The following PDE4B variants were observed in gnomAD, a reference collection of about 807,000 sequenced individuals.
PDE4B encodes phosphodiesterase 4B.
PDE4B carries 20 observed loss-of-function variants against 82.2 expected under a neutral mutation model. The observed-to-expected ratio is 0.24, with a 90% CI of 0.17 to 0.35. The LOEUF (loss-of-function observed/expected upper bound fraction) is 0.35. Among genes scored for constraint, PDE4B ranks in the 10% least tolerant of loss-of-function variants. The pLI, the probability that PDE4B is intolerant of heterozygous loss-of-function variation, is 1.00. For missense variants in PDE4B, 655 were observed against 907.2 expected, an observed-to-expected ratio of 0.72 and a Z score of 3.57; for synonymous variants, 320 against 318.9, an observed-to-expected ratio of 1.00 and a Z score of -0.04.
chr1:66,123,182 T>G (rs1645748563), intron 3 of PDE4B, among the ~76,000 whole-genome samples: 1 of 152,210 alleles, frequency 6.6e-6, no homozygotes, highest in Non-Finnish European at 1.5e-5. Flanking sequence ...TTGATTCCTT[T>G]TTTTGAAGAC....
Position 65,838,455 on chromosome 1 carries a change from C to A in PDE4B, c.-71+45207C>A, listed in dbSNP as rs977399677. On this transcript the variant is annotated intron_variant, in intron 1 of 16. Coordinates refer to ENST00000341517, the MANE Select transcript of PDE4B (RefSeq NM_002600.4). ...TTGATCTAATTAATCTTTTCTTCTT[C>A]CTTCCTTTAGATTGTCACTATATAT... 1.2e-3 allele frequency among the ~76,000 whole-genome samples: 172 copies of A among 143,964 alleles called. 1 individual carries two copies. Among genetic ancestry groups the A allele is most frequent in the African/African-American group, 4.2e-3 (169 of 40,262 alleles). 94.4% of individuals were successfully genotyped at this position (143,964 alleles called of 152,430 possible). A position where few individuals can be genotyped will look rare whatever the true frequency, so the allele number is the denominator to read the frequency against.
intron 3 of PDE4B, among the ~76,000 whole-genome samples, chr1:66,025,389 A>G (rs1353301116): frequency 6.6e-6 from 1 of 152,164 alleles, no homozygotes; most frequent in African/African-American, 2.4e-5. Flanking sequence ...AGTAAGCTAA[A>G]TTCCTTATCT....
intron 1 of PDE4B, among the ~76,000 whole-genome samples, chr1:65,802,888 A>T (rs189332159): frequency 1.3e-3 from 203 of 152,286 alleles, no homozygotes; most frequent in Non-Finnish European, 2.5e-3. Flanking sequence ...TACATTAATG[A>T]TGACATATAT....
At chr1:66,221,397 G>A (rs1054415769) in intron 3 of PDE4B, among the ~76,000 whole-genome samples, 4 of 152,196 alleles carry the variant, frequency 2.6e-5, no homozygotes, top group Admixed American at 1.3e-4. Flanking sequence ...TTGCTCAAGG[G>A]CATAGAGAGA....
rs767011129 is a variant in PDE4B at position 66,332,574 on chromosome 1, A to T, written c.701A>T (p.Glu234Val). The T allele has an allele frequency of 1.9e-6, 3 of 1,614,118 alleles. No homozygotes were observed. Among genetic ancestry groups the T allele is most frequent in the Non-Finnish European group, 1.7e-6 (2 of 1,179,954 alleles). ...TTAGACTGGTGTTTAGACCAGCTAG[A>T]GACCATACAGACCTACCGGTCTGTC... is the stretch of plus-strand genomic sequence containing the variant. ...EELDWCLDQL[E>V]TIQTYRSVSE... is the part of the protein sequence containing the mutation. The change falls in exon 8 of 17, where the codon GAG (glutamate) becomes GTG (valine). Residue 234 changes from glutamate (E) to valine (V), a missense_variant. Physicochemically the swap from Glu to Val is moderately radical, Grantham distance 121. This residue lies in a region of PDE4B where 283 missense variants were observed against 516.4 expected (regional missense o/e 0.55). Transcript: ENST00000341517.
chr1:66,236,799 C>T (rs1238733412), intron 3 of PDE4B, among the ~76,000 whole-genome samples: 8 of 152,146 alleles, frequency 5.3e-5, no homozygotes, highest in Admixed American at 5.2e-4. Context: ...AGAAGAAAGA[C>T]AGAACAGTTG....
intron 3 of PDE4B, among the ~76,000 whole-genome samples, chr1:66,122,954 C>T (rs1051850258): frequency 1.3e-5 from 2 of 152,002 alleles, no homozygotes; most frequent in Non-Finnish European, 2.9e-5. Context: ...GATCTGTCTG[C>T]CTCAGCCTCC....
chr1:66,300,017 A>T (rs1381445915), intron 7 of PDE4B, among the ~76,000 whole-genome samples: 4 of 152,188 alleles, frequency 2.6e-5, no homozygotes, highest in African/African-American at 9.7e-5. Context: ...CAAAATGCAT[A>T]TTGGAAAAAT....
chr1:65,992,459 A>G (rs111348626), intron 3 of PDE4B: 1 of 154,482 alleles, frequency 6.5e-6, no homozygotes, highest in East Asian at 1.9e-4. Context: ...TCTTTGTGCA[A>G]ACAAAACAAG....
intron 3 of PDE4B, among the ~76,000 whole-genome samples, chr1:66,011,148 G>A (rs1031655852): frequency 6.8e-6 from 1 of 147,154 alleles, no homozygotes; most frequent in Non-Finnish European, 1.5e-5. Flanking sequence ...ATACCAAAAT[G>A]TGTTTATTCA....
rs1318486114 is a variant in PDE4B at position 66,373,719 on chromosome 1, G to A, written c.*1041G>A. The A allele has an allele frequency of 6.6e-6, 1 of 152,570 alleles. No individual in the cohort carries two copies. Among genetic ancestry groups the A allele is most frequent in the African/African-American group, 2.4e-5 (1 of 41,406 alleles). 9.5% of individuals were successfully genotyped at this position (152,570 alleles called of 1,614,324 possible). On this transcript the variant is annotated 3_prime_UTR_variant, in exon 17 of 17. Coordinates refer to ENST00000341517, the MANE Select transcript of PDE4B (RefSeq NM_002600.4). The stretch of plus-strand genomic sequence containing the variant: ...ATATATCTAACATTGCCTGCCAATG[G>A]TGGTGTTAAATTTGTGTAGAAAACT...
chr1:66,091,105 GACAA>G (rs747542746), intron 3 of PDE4B, among the ~76,000 whole-genome samples: 2 of 151,944 alleles, frequency 1.3e-5, no homozygotes, highest in Admixed American at 6.6e-5. Flanking sequence ...TTTCAGACAT[GACAA>G]ACAGTTTTTC....
chr1:66,151,271 T>C (rs1646388459), intron 3 of PDE4B, among the ~76,000 whole-genome samples: 1 of 152,162 alleles, frequency 6.6e-6, no homozygotes, highest in Admixed American at 6.6e-5. Flanking sequence ...CAAAAGCAGC[T>C]GAAGCTGAAG....
At chr1:66,308,824 G>A (rs566769617) in intron 7 of PDE4B, among the ~76,000 whole-genome samples, 3 of 152,174 alleles carry the variant, frequency 2.0e-5, no homozygotes, top group Non-Finnish European at 2.9e-5. Context: ...GAAAGTGTGG[G>A]CAACTTGACA....
At chr1:66,330,667 G>T in intron 7 of PDE4B, 1 of 520,552 alleles carries the variant, frequency 1.9e-6, no homozygotes. Context: ...ATTAGAGGCA[G>T]GGAATGAGAA....
At chr1:66,327,374 C>A (rs1405237596) in intron 7 of PDE4B, among the ~76,000 whole-genome samples, 1 of 152,206 alleles carries the variant, frequency 6.6e-6, no homozygotes, top group Non-Finnish European at 1.5e-5. Flanking sequence ...TACACAGACA[C>A]ACAAACACAT....
chr1:66,227,545 T>C (rs1192385452), intron 3 of PDE4B, among the ~76,000 whole-genome samples: 3 of 152,218 alleles, frequency 2.0e-5, no homozygotes, highest in Non-Finnish European at 2.9e-5. Context: ...CTCTGAGATA[T>C]GCCTTTTGTA....
At chr1:66,048,650 T>A (rs10889594) in intron 3 of PDE4B, among the ~76,000 whole-genome samples, 71,708 of 151,636 alleles carry the variant, frequency 0.47, 17,603 homozygotes, top group Non-Finnish European at 0.54. Flanking sequence ...CCAAGTAGAG[T>A]TGACTTTCTC....
chr1:66,108,924 A>T (rs999345565), intron 3 of PDE4B, among the ~76,000 whole-genome samples: 3 of 152,026 alleles, frequency 2.0e-5, no homozygotes, highest in Admixed American at 6.6e-5. Flanking sequence ...CTGAATGCAG[A>T]TAAAACTCTT....
Sources: allele counts gnomAD v4.1 joint callset (sites outside exome capture counted in the v4.1 genomes callset), GRCh38; gene constraint gnomAD v4.1.1; regional missense constraint gnomAD v4.1.1; transcripts MANE v1.5; gene names NCBI Gene and HGNC (gene_info 2026-07-23, HGNC 2026-07-21).